Variants in DERL3 observed in about 807,000 individuals in gnomAD.
DERL3 encodes derlin 3.
Under a neutral mutation model 23.8 loss-of-function variants are expected in DERL3, and 20 were observed. The ratio of observed to expected loss-of-function variants is 0.84; its 90% CI spans 0.59 to 1.22. DERL3 has a LOEUF of 1.22. Ranked by LOEUF, DERL3 falls within the 50% of genes most tolerant of loss-of-function variation. DERL3 has a pLI of 0.00. For missense variants in DERL3, 319 were observed against 304.1 expected (o/e 1.05, Z -0.36); for synonymous variants, 145 against 132.5 (o/e 1.09, Z -0.65).
At chr22:23,837,035 G>A (rs552271969) in intron 6 of DERL3, 29 bp downstream of exon 6, 2 of 1,610,940 alleles carry the variant, frequency 1.2e-6, no homozygotes, top group East Asian at 2.2e-5. Flanking sequence ...TGAGGGTGGG[G>A]AGAGGGAGGG....
chr22:23,835,109 G>C lies in DERL3; in HGVS notation c.*1760C>G. ...TACAAGCCAGCTGTGAGGAATATGG[G>C]AATAGCCCTCCCGGCCTGGTGCCAG... On this transcript the variant is annotated 3_prime_UTR_variant, in exon 7 of 7. Coordinates refer to ENST00000318109, the MANE Select transcript of DERL3 (RefSeq NM_001002862.3). 1 of 1,380,998 alleles carries C rather than the reference G, an allele frequency of 7.2e-7. No homozygotes were observed. Among genetic ancestry groups the C allele is most frequent in the Non-Finnish European group, 9.3e-7 (1 of 1,070,474 alleles). 85.5% of individuals were successfully genotyped at this position (1,380,998 alleles called of 1,614,324 possible). A position where few individuals can be genotyped will look rare whatever the true frequency, so the allele number is the denominator to read the frequency against.
intron 4 of DERL3, 95 bp downstream of exon 4, chr22:23,838,257 T>C (rs1568969984): frequency 6.4e-7 from 1 of 1,551,470 alleles, no homozygotes; most frequent in South Asian, 1.2e-5. Context: ...AGCGACTGTG[T>C]CCCTCTCTGG....
chr22:23,836,111 C>CCTCAG lies in DERL3; in HGVS notation c.*753_*757dup. 1.0e-6 allele frequency: 1 copy of CCTCAG among 985,440 alleles called. No homozygotes were observed. Among genetic ancestry groups the CCTCAG allele is most frequent in the South Asian group, 4.7e-5 (1 of 21,284 alleles). The allele number at this position is 985,440 out of a possible 1,614,324, so 61.0% of individuals were successfully genotyped here. On this transcript the variant is annotated 3_prime_UTR_variant, in exon 7 of 7. Transcript: ENST00000318109. ...GGGGTCGGATAAGGCTCACACACGT[C>CCTCAG]CTCAGCTAAAAAGGGCAGGAACAGA...
In DERL3 at chr22:23,836,557, G is replaced by C; in HGVS notation, c.*312C>G. The C allele has an allele frequency of 1.8e-6, 2 of 1,090,080 alleles. No individual in the cohort carries two copies. Among genetic ancestry groups the C allele is most frequent in the Non-Finnish European group, 2.2e-6 (2 of 899,012 alleles). The allele number at this position is 1,090,080 out of a possible 1,614,324, so 67.5% of individuals were successfully genotyped here. On this transcript the variant is annotated 3_prime_UTR_variant, in exon 7 of 7. Transcript: ENST00000318109. Reference sequence around the variant, plus strand: ...CCTGTGAGCTCAAAAGCTCTGCCTGGCAACCTGTGAGCTCAAAGCTCTGCC... The same window carrying C: ...CCTGTGAGCTCAAAAGCTCTGCCTGCCAACCTGTGAGCTCAAAGCTCTGCC...
chr22:23,838,977 T>C lies in DERL3; in HGVS notation c.11A>G (p.Gln4Arg), dbSNP rs776335443. The part of the protein sequence containing the change: MAW[Q>R]GLAAEFLQVP... ...CTGCAGGAACTCGGCCGCTAGTCCC[T>C]GCCACGCCATTGAACCTTCTCAAGC... is the stretch of plus-strand genomic sequence containing the variant. The change falls in exon 1 of 7, where the codon CAG becomes CGG. Residue 4 changes from glutamine to arginine, a missense_variant. By Grantham distance (43) the Gln-to-Arg change is conservative. Coordinates refer to ENST00000318109, the MANE Select transcript of DERL3 (RefSeq NM_001002862.3). 9 of 1,574,700 alleles carry C rather than the reference T, an allele frequency of 5.7e-6. No homozygotes were observed. The highest frequency in any genetic ancestry group is 2.3e-5 in the East Asian group (1 of 43,276).
chr22:23,838,059 C>A (rs927130912), intron 4 of DERL3: 5 of 1,445,912 alleles, frequency 3.5e-6, no homozygotes, highest in Admixed American at 4.5e-5. Context: ...CATCCCAGGG[C>A]CCAACCACTG....
chr22:23,838,021 C>G (rs1012025369), intron 4 of DERL3, 167 bp from the exon 5 acceptor site: 6 of 1,321,952 alleles, frequency 4.5e-6, no homozygotes, highest in South Asian at 1.5e-5. Context: ...TCAGGTCCCA[C>G]GAAATCTGCC....
At position 23,837,094 on chromosome 22, in the gene DERL3, C is replaced by G; in HGVS notation, c.584G>C (p.Gly195Ala). ...LEDVFPNQPG[G>A]KRLLQTPGFL... Reference sequence around the variant, plus strand: ...GCCAGGGGTCTGCAGGAGCCTCTTGCCTCCAGGCTGGTTGGGGAAGACGTC... The same window carrying G: ...GCCAGGGGTCTGCAGGAGCCTCTTGGCTCCAGGCTGGTTGGGGAAGACGTC... Residue 195 changes from glycine (G) to alanine (A), a missense_variant, in exon 6 of 7, where the codon GGC (glycine) becomes GCC (alanine). By Grantham distance (60) the Gly-to-Ala change is moderately conservative. Coordinates refer to ENST00000318109, the MANE Select transcript of DERL3 (RefSeq NM_001002862.3). 6.2e-7 allele frequency: 1 copy of G among 1,613,976 alleles called. No individual in the cohort carries two copies. The highest frequency in any genetic ancestry group is 8.5e-7 in the Non-Finnish European group (1 of 1,179,922).
intron 4 of DERL3, 91 bp from the exon 5 acceptor site, chr22:23,837,945 C>T: frequency 7.4e-7 from 1 of 1,342,492 alleles, no homozygotes; most frequent in Non-Finnish European, 1.0e-6. Flanking sequence ...TTCCCCTCAT[C>T]TCCCCTATGT....
In DERL3 at chr22:23,836,806, A is replaced by C; in HGVS notation, c.*63T>G. 36 of 1,422,024 alleles carry C rather than the reference A, an allele frequency of 2.5e-5. No individual in the cohort carries two copies. In the South Asian group the frequency reaches 6.0e-4, roughly 24 times the overall value. The allele number at this position is 1,422,024 out of a possible 1,614,324, so 88.1% of individuals were successfully genotyped here. On this transcript the variant is annotated 3_prime_UTR_variant, in exon 7 of 7. Coordinates refer to ENST00000318109, the MANE Select transcript of DERL3 (RefSeq NM_001002862.3). Reference sequence around the variant, plus strand: ...TTTAGGATGGGTTTTTTCTGCCCCAAGTAGGGGTCATGGGTAGGATGGAAG... The same window carrying C: ...TTTAGGATGGGTTTTTTCTGCCCCACGTAGGGGTCATGGGTAGGATGGAAG...
intron 5 of DERL3, 77 bp downstream of exon 5, chr22:23,837,582 G>A: frequency 6.7e-7 from 1 of 1,481,558 alleles, no homozygotes; most frequent in Non-Finnish European, 9.1e-7. Flanking sequence ...GGATGGGAGA[G>A]GGGCCCCAGG....
At position 23,837,824 on chromosome 22, in the gene DERL3, G is replaced by A. The variant is rs2031218388; in HGVS notation, c.358C>T (p.Leu120=). ...LLGLLGSLFF[L]GQALMAMLVY... ...AGCATGGCCATGAGGGCCTGGCCCA[G>A]GAAGAACAGGCTGCCCAGGAGTCCC... is the stretch of plus-strand genomic sequence containing the variant. The change falls in exon 5 of 7, where the codon CTG becomes TTG. Residue 120 remains leucine (L), a synonymous_variant. Transcript: ENST00000318109. 1 of 1,613,414 alleles carries A rather than the reference G, an allele frequency of 6.2e-7. No individual in the cohort carries two copies. The highest frequency in any genetic ancestry group is 1.3e-5 in the African/African-American group (1 of 74,932).
Position 23,835,277 on chromosome 22 carries a change from G to A in DERL3, c.*1592C>T. The A allele has an allele frequency of 9.2e-7, 1 of 1,083,966 alleles. No individual in the cohort carries two copies. The highest frequency in any genetic ancestry group is 1.1e-6 in the Non-Finnish European group (1 of 893,720). The allele number at this position is 1,083,966 out of a possible 1,614,324, so 67.1% of individuals were successfully genotyped here. Reference sequence around the variant, plus strand: ...TTCAGAATGGACACAGGATCTGGGAGGGCAGCAAACTGGCTCGCAGCTCCA... The same window carrying A: ...TTCAGAATGGACACAGGATCTGGGAAGGCAGCAAACTGGCTCGCAGCTCCA... On this transcript the variant is annotated 3_prime_UTR_variant, in exon 7 of 7. Transcript: ENST00000318109.
Position 23,835,597 on chromosome 22 carries a change from C to T in DERL3, c.*1272G>A. 1.0e-6 allele frequency: 1 copy of T among 985,502 alleles called. No individual in the cohort carries two copies. The highest frequency in any genetic ancestry group is 1.2e-6 in the Non-Finnish European group (1 of 829,944). The allele number at this position is 985,502 out of a possible 1,614,324, so 61.0% of individuals were successfully genotyped here. On this transcript the variant is annotated 3_prime_UTR_variant, in exon 7 of 7. Coordinates refer to ENST00000318109, the MANE Select transcript of DERL3 (RefSeq NM_001002862.3). ...TGCCCTCCATCAAAGAGTGGAACTCCCCAGAGCCCCATGCACAGCAAGGGG... is the reference window on the plus strand; with the variant it reads ...TGCCCTCCATCAAAGAGTGGAACTCTCCAGAGCCCCATGCACAGCAAGGGG...
Position 23,837,426 on chromosome 22 carries a change from C to T in DERL3, c.523+233G>A, listed in dbSNP as rs1045672187. On this transcript the variant is annotated intron_variant, in intron 5 of 6. Transcript: ENST00000318109. Reference sequence around the variant, plus strand: ...AGGAACCCTGACCCTCCCATCCTCACTCCCATCAGGACCGTGCAAGCATCA... The same window carrying T: ...AGGAACCCTGACCCTCCCATCCTCATTCCCATCAGGACCGTGCAAGCATCA... The T allele has an allele frequency of 1.4e-5, 9 of 643,378 alleles. No homozygotes were observed. The Admixed American group carries it at 1.5e-4, about 11-fold the overall frequency. The allele number at this position is 643,378 out of a possible 1,614,324, so 39.9% of individuals were successfully genotyped here.
rs1253795623 is a variant in DERL3 at position 23,836,675 on chromosome 22, C to T, written c.*194G>A. ...GAGGCCACACTGAGTGAGGACGGGG[C>T]AGGCATAGAAGGATGTGGCCAGGTG... On this transcript the variant is annotated 3_prime_UTR_variant, in exon 7 of 7. Coordinates refer to ENST00000318109, the MANE Select transcript of DERL3 (RefSeq NM_001002862.3). 1.6e-6 allele frequency: 2 copies of T among 1,284,248 alleles called. No individual in the cohort carries two copies. The highest frequency in any genetic ancestry group is 4.0e-5 in the Admixed American group (1 of 24,858). 79.6% of individuals were successfully genotyped at this position (1,284,248 alleles called of 1,614,324 possible).
At chr22:23,838,513 G>A (rs1378457098) in intron 3 of DERL3, 51 bp downstream of exon 3, 1 of 1,572,116 alleles carries the variant, frequency 6.4e-7, no homozygotes, top group Non-Finnish European at 8.6e-7. Flanking sequence ...CTCTCTCCCA[G>A]CCCGGCCGGC....
intron 5 of DERL3, 87 bp from the exon 6 acceptor site, chr22:23,837,241 C>T (rs1229093273): frequency 6.7e-7 from 1 of 1,498,824 alleles, no homozygotes; most frequent in East Asian, 2.4e-5. Flanking sequence ...CCATCCACAG[C>T]CTGGTGGCCC....
chr22:23,834,776 A>C lies in DERL3; in HGVS notation c.*2093T>G, dbSNP rs1028753190. 1 of 1,568,150 alleles carries C rather than the reference A, an allele frequency of 6.4e-7. No homozygotes were observed. The highest frequency in any genetic ancestry group is 1.4e-5 in the African/African-American group (1 of 73,814). On this transcript the variant is annotated 3_prime_UTR_variant, in exon 7 of 7. Coordinates refer to ENST00000318109, the MANE Select transcript of DERL3 (RefSeq NM_001002862.3). ...GAGTAGCTGTGAGGCTCAGGGCAAG[A>C]GGCTCTCTGCCTTTCAGGAACAGCC...
Sources: allele counts gnomAD v4.1 joint callset, GRCh38; gene constraint gnomAD v4.1.1; transcripts MANE v1.5; gene names NCBI Gene and HGNC (gene_info 2026-07-23, HGNC 2026-07-21).